The following SPIDR variants were observed in gnomAD, a reference collection of about 807,000 sequenced individuals.
SPIDR encodes scaffold protein involved in DNA repair.
SPIDR carries 93 observed loss-of-function variants against 104.6 expected under a neutral mutation model. The observed-to-expected ratio is 0.89, with a 90% CI of 0.75 to 1.06. SPIDR has a LOEUF of 1.06. Ranked by LOEUF, SPIDR falls within the 50% of genes least tolerant of loss-of-function variation. The pLI is 0.00. For synonymous variants in SPIDR, 431 were observed against 416.9 expected (o/e 1.03, Z -0.41); for missense variants, 1,154 against 1,111.2 (o/e 1.04, Z -0.55).
At chr8:47,526,325 A>C (rs1162145671) in intron 8 of SPIDR, among the ~76,000 whole-genome samples, 1 of 152,186 alleles carries the variant, frequency 6.6e-6, no homozygotes, top group Admixed American at 6.5e-5. Context: ...AACATCAATA[A>C]ATTTTGAGTT....
intron 10 of SPIDR, among the ~76,000 whole-genome samples, chr8:47,637,915 T>C (rs993657389): frequency 2.0e-5 from 3 of 152,224 alleles, no homozygotes; most frequent in African/African-American, 7.2e-5. Flanking sequence ...TTGTTTGGAA[T>C]TCCTCTGCAT....
At chr8:47,700,220 G>A (rs533260596) in intron 11 of SPIDR, among the ~76,000 whole-genome samples, 183 bp from the exon 12 acceptor site, 1 of 152,252 alleles carries the variant, frequency 6.6e-6, no homozygotes, top group Admixed American at 6.5e-5. Context: ...TTGTGCAGTT[G>A]GTTTCCCACA....
At chr8:47,622,975 C>T (rs1339065440) in intron 10 of SPIDR, among the ~76,000 whole-genome samples, 1 of 152,126 alleles carries the variant, frequency 6.6e-6, no homozygotes, top group Non-Finnish European at 1.5e-5. Context: ...GCGTGGCCCA[C>T]AGCAGTCTCA....
At chr8:47,629,595 A>G (rs532051378) in intron 10 of SPIDR, among the ~76,000 whole-genome samples, 3 of 152,210 alleles carry the variant, frequency 2.0e-5, no homozygotes, top group Non-Finnish European at 4.4e-5. Flanking sequence ...TCTACTAAAG[A>G]TACAAAAATT....
At chr8:47,658,462 C>A (rs2073360485) in intron 10 of SPIDR, among the ~76,000 whole-genome samples, 1 of 151,918 alleles carries the variant, frequency 6.6e-6, no homozygotes, top group African/African-American at 2.4e-5. Flanking sequence ...ATAAACAAAT[C>A]AAAGTCCAGA....
At position 47,627,688 on chromosome 8, in the gene SPIDR, C is replaced by G. The variant is rs370793513; in HGVS notation, c.1544+28492C>G. 3.7e-3 allele frequency among the ~76,000 whole-genome samples: 569 copies of G among 152,202 alleles called. 3 individuals are homozygous for G. The highest frequency in any genetic ancestry group is 0.022 in the South Asian group (106 of 4,812). On this transcript the variant is annotated intron_variant, in intron 10 of 19. Coordinates refer to ENST00000297423, the MANE Select transcript of SPIDR (RefSeq NM_001080394.4). Reference sequence around the variant, plus strand: ...TGACAGATCATGTGATTCCTCCCCCCTCCCTGGCCCCCAGCACCCCCATCG... The same window carrying G: ...TGACAGATCATGTGATTCCTCCCCCGTCCCTGGCCCCCAGCACCCCCATCG...
In SPIDR at chr8:47,347,041, A is replaced by G. The variant is rs952952318; in HGVS notation, c.526-49335A>G. 2.0e-5 allele frequency among the ~76,000 whole-genome samples: 3 copies of G among 151,942 alleles called. No homozygotes were observed. The South Asian group carries it at 6.2e-4, about 32-fold the overall frequency. ...TGCTGCTCTAGTTCTGTTAATTGTG[A>G]TGTTAGGGTGTCGATTTTAGATCTT... On this transcript the variant is annotated intron_variant, in intron 5 of 19. Coordinates refer to ENST00000297423, the MANE Select transcript of SPIDR (RefSeq NM_001080394.4).
chr8:47,386,733 A>G (rs2154303942), intron 5 of SPIDR, among the ~76,000 whole-genome samples: 1 of 152,300 alleles, frequency 6.6e-6, no homozygotes, highest in African/African-American at 2.4e-5. Context: ...TAATACATTT[A>G]TAAATATTTC....
intron 8 of SPIDR, among the ~76,000 whole-genome samples, chr8:47,556,399 T>G (rs942660037): frequency 2.0e-5 from 3 of 152,206 alleles, no homozygotes; most frequent in Admixed American, 2.0e-4. Context: ...ACCTGCAAAG[T>G]AAGCATTGCT....
At chr8:47,331,608 G>A (rs2048676862) in intron 5 of SPIDR, among the ~76,000 whole-genome samples, 1 of 152,164 alleles carries the variant, frequency 6.6e-6, no homozygotes, top group Non-Finnish European at 1.5e-5. Flanking sequence ...TGAGTGTTGA[G>A]TGAATGTGAA....
intron 10 of SPIDR, among the ~76,000 whole-genome samples, chr8:47,666,479 T>TA (rs1254838714): frequency 6.6e-6 from 1 of 152,254 alleles, no homozygotes; most frequent in Non-Finnish European, 1.5e-5. Context: ...TTTAAAGAGA[T>TA]ATTTATATCA....
Position 47,692,487 on chromosome 8 carries a change from CTTTTTTTTTTT to C in SPIDR, c.1686-7903_1686-7893del, listed in dbSNP as rs1171012398. On this transcript the variant is annotated intron_variant, in intron 11 of 19. Coordinates refer to ENST00000297423, the MANE Select transcript of SPIDR (RefSeq NM_001080394.4). The stretch of plus-strand genomic sequence containing the variant: ...ATGATGTAACATGTATCAGAATTTC[CTTTTTTTTTTT>C]TTTTTTTTTTTTCTTTGAGACTGAG... Among the ~76,000 whole-genome samples the C allele has an allele frequency of 4.6e-3, 551 of 119,294 alleles. 2 individuals are homozygous for C. The highest frequency in any genetic ancestry group is 0.027 in the South Asian group (100 of 3,686). 78.3% of individuals were successfully genotyped at this position (119,294 alleles called of 152,430 possible).
intron 9 of SPIDR, among the ~76,000 whole-genome samples, chr8:47,596,749 T>C (rs1047746799): frequency 6.6e-6 from 1 of 152,238 alleles, no homozygotes; most frequent in African/African-American, 2.4e-5. Context: ...TTTTACTCTT[T>C]TATAGCAACA....
chr8:47,382,640 T>A (rs2059451139), intron 5 of SPIDR, among the ~76,000 whole-genome samples: 1 of 152,168 alleles, frequency 6.6e-6, no homozygotes, highest in African/African-American at 2.4e-5. Context: ...CTCGATCTCT[T>A]GACTTCGTGA....
At chr8:47,583,815 C>T (rs2059989716) in intron 8 of SPIDR, among the ~76,000 whole-genome samples, 1 of 152,238 alleles carries the variant, frequency 6.6e-6, no homozygotes, top group Non-Finnish European at 1.5e-5. Flanking sequence ...CCTTCACACA[C>T]CCACAGCACA....
rs529689699 is a variant in SPIDR, at chr8:47,547,870, A to G, written c.1098-47941A>G. The G allele has an allele frequency of 3.0e-4, 51 of 170,908 alleles. 1 individual carries two copies. The highest frequency in any genetic ancestry group is 5.6e-5 in the Non-Finnish European group (4 of 71,928). The allele number at this position is 170,908 out of a possible 1,614,324, so 10.6% of individuals were successfully genotyped here. On this transcript the variant is annotated intron_variant, in intron 8 of 19. Transcript: ENST00000297423. ...AAACACACTGGACAATTTATCCAGCATCCAGTGATTTGGAGCTGCTACCCA... is the reference window on the plus strand; with the variant it reads ...AAACACACTGGACAATTTATCCAGCGTCCAGTGATTTGGAGCTGCTACCCA...
intron 5 of SPIDR, among the ~76,000 whole-genome samples, chr8:47,391,991 G>T (rs1321017808): frequency 3.4e-5 from 4 of 117,296 alleles, no homozygotes; most frequent in African/African-American, 1.4e-4. Flanking sequence ...GCCAGACTCC[G>T]TCTCAAAAAA....
chr8:47,273,459 T>C (rs2035740270), intron 1 of SPIDR, among the ~76,000 whole-genome samples: 1 of 152,154 alleles, frequency 6.6e-6, no homozygotes, highest in Non-Finnish European at 1.5e-5. Context: ...GAGTAAGACA[T>C]GAACAGGTTG....
At chr8:47,483,503 C>T (rs145626286) in intron 8 of SPIDR, among the ~76,000 whole-genome samples, 62 of 152,218 alleles carry the variant, frequency 4.1e-4, no homozygotes, top group African/African-American at 9.9e-4. Context: ...TGACTGTATT[C>T]CCAAAAGTAG....
Sources: allele counts gnomAD v4.1 joint callset (sites outside exome capture counted in the v4.1 genomes callset), GRCh38; gene constraint gnomAD v4.1.1; transcripts MANE v1.5; gene names NCBI Gene and HGNC (gene_info 2026-07-23, HGNC 2026-07-21).